HDAC9: variants seen among roughly 807,000 people sequenced by gnomAD.
The protein encoded by HDAC9 is MEF-2 interacting transcription repressor (MITR) protein.
In HDAC9, 41 loss-of-function variants were observed where a neutral mutation model predicts 139.4. The ratio of observed to expected loss-of-function variants is 0.29; its 90% CI spans 0.23 to 0.38. The LOEUF (loss-of-function observed/expected upper bound fraction) is 0.38, where lower values mean the gene tolerates loss of function less well. Among genes scored for constraint, HDAC9 ranks in the 10% least tolerant of loss-of-function variants. The pLI is 1.00. For missense variants in HDAC9, 1,147 were observed against 1,297.0 expected, an observed-to-expected ratio of 0.88 and a Z score of 1.78; for synonymous variants, 517 against 476.2, an observed-to-expected ratio of 1.09 and a Z score of -1.12.
intron 2 of HDAC9, among the ~76,000 whole-genome samples, chr7:18,278,679 C>A (rs1283368150): frequency 6.6e-6 from 1 of 151,426 alleles, no homozygotes; most frequent in African/African-American, 2.4e-5. Flanking sequence ...ATTTCTTAAA[C>A]TTTTTTTTTG....
At chr7:18,230,715 T>C (rs1793399926) in intron 2 of HDAC9, among the ~76,000 whole-genome samples, 1 of 152,198 alleles carries the variant, frequency 6.6e-6, no homozygotes, top group African/African-American at 2.4e-5. Flanking sequence ...CAAATCCTTT[T>C]TTGGAAGTAG....
At chr7:18,271,478 T>C (rs1796349412) in intron 2 of HDAC9, among the ~76,000 whole-genome samples, 1 of 152,210 alleles carries the variant, frequency 6.6e-6, no homozygotes, top group African/African-American at 2.4e-5. Context: ...GTATTCAGCC[T>C]GCCATATGTT....
At chr7:18,841,657 A>C (rs1051701415) in intron 21 of HDAC9, among the ~76,000 whole-genome samples, 2 of 152,150 alleles carry the variant, frequency 1.3e-5, no homozygotes, top group African/African-American at 4.8e-5. Flanking sequence ...CTGTGTCAAG[A>C]GTATGGGATA....
chr7:18,885,876 G>A (rs77527369), intron 22 of HDAC9, among the ~76,000 whole-genome samples: 9,832 of 152,084 alleles, frequency 0.065, 430 homozygotes, highest in Non-Finnish European at 0.1. Flanking sequence ...AACGAATCAA[G>A]GACTTACTCT....
At chr7:18,755,313 A>G (rs1014252924) in intron 14 of HDAC9, among the ~76,000 whole-genome samples, 1 of 152,180 alleles carries the variant, frequency 6.6e-6, no homozygotes, top group Admixed American at 6.6e-5. Context: ...TGCTAAACAG[A>G]AAGAATTAAT....
At chr7:18,622,167 A>G (rs1840384485) in intron 6 of HDAC9, among the ~76,000 whole-genome samples, 1 of 152,236 alleles carries the variant, frequency 6.6e-6, no homozygotes, top group Non-Finnish European at 1.5e-5. Context: ...AGAAGTTGAC[A>G]GATATCCAGT....
chr7:18,174,527 G>A (rs1788722457), intron 2 of HDAC9, among the ~76,000 whole-genome samples: 2 of 152,194 alleles, frequency 1.3e-5, no homozygotes. Flanking sequence ...GAGGAGAAGA[G>A]GTGCTCTGGA....
At chr7:18,740,660 A>G (rs1787366633) in intron 13 of HDAC9, among the ~76,000 whole-genome samples, 1 of 152,174 alleles carries the variant, frequency 6.6e-6, no homozygotes, top group Non-Finnish European at 1.5e-5. Context: ...TGTTCAAGTG[A>G]AAGGAAGAGT....
At position 18,182,948 on chromosome 7, in the gene HDAC9, G is replaced by A. The variant is rs543927039; in HGVS notation, c.25+20599G>A. Among the ~76,000 whole-genome samples, 18 of 152,060 alleles carry A rather than the reference G, an allele frequency of 1.2e-4. No homozygotes were observed. The South Asian group carries it at 3.7e-3, about 32-fold the overall frequency. On this transcript the variant is annotated intron_variant, in intron 2 of 12. Coordinates refer to the HDAC9 transcript ENST00000417496. Reference sequence around the variant, plus strand: ...GAAGAGTAGAGGGACAAGACTAAATGTCACTGAAGCTTTCAGGGCAGTATC... The same window carrying A: ...GAAGAGTAGAGGGACAAGACTAAATATCACTGAAGCTTTCAGGGCAGTATC...
intron 6 of HDAC9, among the ~76,000 whole-genome samples, chr7:18,595,171 G>A (rs1169257050): frequency 6.6e-6 from 1 of 152,020 alleles, no homozygotes; most frequent in African/African-American, 2.4e-5. Flanking sequence ...AGGAAAGGAT[G>A]TTTAACTATT....
rs556180555 is a variant in HDAC9, at chr7:18,867,865, T to G, written c.2685-6613T>G. On this transcript the variant is annotated intron_variant, in intron 21 of 25. Transcript: ENST00000686413. ...TCCCATCTATTTTATACTTTACCTATTTGCTTCCTCTTCTGGGCGATTTCT... is the reference window on the plus strand; with the variant it reads ...TCCCATCTATTTTATACTTTACCTAGTTGCTTCCTCTTCTGGGCGATTTCT... Among the ~76,000 whole-genome samples the G allele has an allele frequency of 5.9e-5, 9 of 152,254 alleles. 1 individual carries two copies. In the South Asian group the frequency reaches 1.9e-3, roughly 32 times the overall value.
chr7:18,675,344 A>G (rs1365678887), intron 12 of HDAC9, among the ~76,000 whole-genome samples: 2 of 152,054 alleles, frequency 1.3e-5, no homozygotes, highest in African/African-American at 4.8e-5. Flanking sequence ...TAGCAACTCC[A>G]TGTGAAGTAA....
intron 12 of HDAC9, among the ~76,000 whole-genome samples, chr7:18,706,353 A>G (rs909427180): frequency 3.3e-5 from 5 of 151,972 alleles, no homozygotes; most frequent in African/African-American, 1.2e-4. Flanking sequence ...AATACCTACC[A>G]TGGATCAAGG....
intron 2 of HDAC9, among the ~76,000 whole-genome samples, chr7:18,209,697 G>T (rs955680686): frequency 1.3e-5 from 2 of 151,064 alleles, no homozygotes; most frequent in African/African-American, 4.9e-5. Context: ...AAAAGAGCAG[G>T]TACTTTTTTC....
rs138211489 is a variant in HDAC9 at position 18,637,447 on chromosome 7, A to G, written c.912+2705A>G. On this transcript the variant is annotated intron_variant, in intron 8 of 25. Coordinates refer to ENST00000686413, the MANE Select transcript of HDAC9 (RefSeq NM_178425.4). ...CACAAATCATCTGTTTAGGTACCCTAGCTTTTCAGCTAATTGTTGAACATA... is the reference window on the plus strand; with the variant it reads ...CACAAATCATCTGTTTAGGTACCCTGGCTTTTCAGCTAATTGTTGAACATA... Among the ~76,000 whole-genome samples the G allele has an allele frequency of 1.8e-3, 277 of 152,238 alleles. 12 individuals carry two copies. The East Asian group carries it at 0.046, about 25-fold the overall frequency.
At chr7:18,989,368 C>T (rs1785661636) in intron 25 of HDAC9, among the ~76,000 whole-genome samples, 1 of 151,426 alleles carries the variant, frequency 6.6e-6, no homozygotes. Flanking sequence ...AAATTCTTTT[C>T]TTTAATATTG....
intron 1 of HDAC9, among the ~76,000 whole-genome samples, chr7:18,394,730 T>C (rs1278249946): frequency 1.3e-5 from 2 of 152,150 alleles, no homozygotes; most frequent in South Asian, 2.1e-4. Context: ...AGAACTGTAC[T>C]CTGGAGATTT....
intron 21 of HDAC9, among the ~76,000 whole-genome samples, chr7:18,868,333 G>A (rs1006458506): frequency 3.9e-5 from 6 of 152,166 alleles, no homozygotes; most frequent in Non-Finnish European, 8.8e-5. Context: ...GGAGGACTGT[G>A]TGTTAGAGTC....
At chr7:18,825,795 C>T (rs1019598275) in intron 17 of HDAC9, among the ~76,000 whole-genome samples, 4 of 147,906 alleles carry the variant, frequency 2.7e-5, no homozygotes, top group Non-Finnish European at 6.0e-5. Flanking sequence ...TTCACATACA[C>T]ATATATACAC....
Sources: allele counts gnomAD v4.1 joint callset (sites outside exome capture counted in the v4.1 genomes callset), GRCh38; gene constraint gnomAD v4.1.1; transcripts MANE v1.5; gene names NCBI Gene and HGNC (gene_info 2026-07-23, HGNC 2026-07-21).